Variants in MSRA observed in about 807,000 individuals in gnomAD.
MSRA encodes mitochondrial peptide methionine sulfoxide reductase.
MSRA carries 54 observed loss-of-function variants against 31.3 expected under a neutral mutation model. The ratio of observed to expected loss-of-function variants is 1.73; its 90% CI spans 1.39 to 2.17. MSRA has a LOEUF of 2.17. Among genes scored for constraint, MSRA ranks in the 30% most tolerant of loss-of-function variants. The pLI is 0.00. For synonymous variants in MSRA, 169 were observed against 116.5 expected, an observed-to-expected ratio of 1.45 and a Z score of -2.90; for missense variants, 507 against 300.9, an observed-to-expected ratio of 1.69 and a Z score of -5.07.
At chr8:10,121,852 T>A (rs999590919) in intron 1 of MSRA, among the ~76,000 whole-genome samples, 3 of 151,988 alleles carry the variant, frequency 2.0e-5, no homozygotes, top group African/African-American at 7.2e-5. Flanking sequence ...TAATTTTTTT[T>A]TTTTTTTTGG....
intron 3 of MSRA, among the ~76,000 whole-genome samples, chr8:10,262,362 C>CT (rs779077763): frequency 3.3e-5 from 5 of 152,216 alleles, no homozygotes; most frequent in Non-Finnish European, 7.3e-5. Flanking sequence ...GTTCCTGTTA[C>CT]TTTACATCCT....
chr8:10,361,570 G>A (rs568551635), intron 5 of MSRA, among the ~76,000 whole-genome samples: 2 of 152,216 alleles, frequency 1.3e-5, no homozygotes, highest in South Asian at 4.2e-4. Flanking sequence ...CTTGAAGGCT[G>A]CAAACTCGGG....
At chr8:10,252,334 G>A (rs1174435023) in intron 3 of MSRA, among the ~76,000 whole-genome samples, 1 of 152,176 alleles carries the variant, frequency 6.6e-6, no homozygotes, top group Non-Finnish European at 1.5e-5. Context: ...AGTAGGGGTG[G>A]CTTTGGAGTG....
intron 2 of MSRA, among the ~76,000 whole-genome samples, chr8:10,213,892 A>G (rs1355938973): frequency 6.6e-6 from 1 of 151,904 alleles, no homozygotes; most frequent in African/African-American, 2.4e-5. Flanking sequence ...CCATTTGGGA[A>G]CTCACGTCCA....
chr8:10,087,436 A>G (rs950852672), intron 1 of MSRA, among the ~76,000 whole-genome samples: 2 of 152,184 alleles, frequency 1.3e-5, no homozygotes, highest in Admixed American at 1.3e-4. Context: ...GGTTGTTCAG[A>G]GAGTGCTGGA....
At chr8:10,178,345 T>A (rs1325483966) in intron 1 of MSRA, among the ~76,000 whole-genome samples, 1 of 152,060 alleles carries the variant, frequency 6.6e-6, no homozygotes, top group African/African-American at 2.4e-5. Flanking sequence ...ATCTCAGCAC[T>A]TCGGGAGGCC....
intron 1 of MSRA, among the ~76,000 whole-genome samples, chr8:10,125,004 T>G (rs936657190): frequency 3.9e-5 from 6 of 152,138 alleles, no homozygotes; most frequent in Non-Finnish European, 7.3e-5. Context: ...AAGTACAGAA[T>G]TCAAACTAAG....
chr8:10,135,788 T>G (rs1037705443), intron 1 of MSRA, among the ~76,000 whole-genome samples: 2 of 152,222 alleles, frequency 1.3e-5, no homozygotes, highest in Non-Finnish European at 2.9e-5. Context: ...ATACGCAAAC[T>G]GGCAGACGCA....
chr8:10,057,236 G>C (rs1802423374), intron 1 of MSRA, among the ~76,000 whole-genome samples: 1 of 152,172 alleles, frequency 6.6e-6, no homozygotes, highest in African/African-American at 2.4e-5. Context: ...GGGGGCATCT[G>C]GGCAGTGCTG....
chr8:10,273,041 T>C (rs891981633), intron 3 of MSRA, among the ~76,000 whole-genome samples: 2 of 152,200 alleles, frequency 1.3e-5, no homozygotes, highest in Admixed American at 6.5e-5. Context: ...AAGTAGACCG[T>C]GTAACAGCAG....
chr8:10,164,076 T>C (rs551378598), intron 1 of MSRA, among the ~76,000 whole-genome samples: 78 of 152,342 alleles, frequency 5.1e-4, no homozygotes, highest in African/African-American at 1.8e-3. Flanking sequence ...TCTTTTCTGT[T>C]CTCCTGTTAA....
chr8:10,219,806 CAAAA>C (rs59393980), intron 2 of MSRA, among the ~76,000 whole-genome samples: 8 of 57,126 alleles, frequency 1.4e-4, no homozygotes, highest in East Asian at 2.0e-3. Context: ...ACTCTGTCTC[CAAAA>C]AAAAAAAAAA....
chr8:10,204,357 T>TA (rs1808760441), intron 1 of MSRA, among the ~76,000 whole-genome samples: 1 of 152,242 alleles, frequency 6.6e-6, no homozygotes, highest in Non-Finnish European at 1.5e-5. Flanking sequence ...CTCATTGACT[T>TA]ACCCAGAGCA....
At chr8:10,326,273 A>T (rs1255374650) in intron 5 of MSRA, among the ~76,000 whole-genome samples, 1 of 152,240 alleles carries the variant, frequency 6.6e-6, no homozygotes, top group East Asian at 1.9e-4. Flanking sequence ...ATTTGAACAT[A>T]AAATTAGCTG....
intron 3 of MSRA, among the ~76,000 whole-genome samples, chr8:10,295,494 A>G (rs1020098212): frequency 2.0e-5 from 3 of 152,094 alleles, no homozygotes; most frequent in African/African-American, 7.2e-5. Flanking sequence ...GTCCTTCTAG[A>G]TGAGCCCCAC....
chr8:10,085,581 G>T (rs1798518728), intron 1 of MSRA, among the ~76,000 whole-genome samples: 1 of 152,130 alleles, frequency 6.6e-6, no homozygotes, highest in Non-Finnish European at 1.5e-5. Context: ...AATATTTTCT[G>T]TTATGTGTCC....
At chr8:10,158,168 A>G (rs1414668176) in intron 1 of MSRA, among the ~76,000 whole-genome samples, 1 of 152,156 alleles carries the variant, frequency 6.6e-6, no homozygotes, top group Non-Finnish European at 1.5e-5. Flanking sequence ...ATGACTGACT[A>G]ATAACCCCCA....
chr8:10,183,919 TTGG>T (rs1416825365), intron 1 of MSRA, among the ~76,000 whole-genome samples: 1 of 146,474 alleles, frequency 6.8e-6, no homozygotes, highest in African/African-American at 2.5e-5. Context: ...GGTGATGGTC[TTGG>T]TGGTCTTGGT....
chr8:10,418,964 C>G (rs7839222), intron 5 of MSRA, among the ~76,000 whole-genome samples: 8,594 of 151,406 alleles, frequency 0.057, 833 homozygotes, highest in African/African-American at 0.2. Flanking sequence ...TCTCCAAAAA[C>G]AAAACAAAAC....
Sources: gnomAD v4.1 joint callset for allele counts (sites outside exome capture counted in the v4.1 genomes callset) on GRCh38, gnomAD v4.1.1 for gene constraint, MANE v1.5 for transcripts, NCBI Gene and HGNC (gene_info 2026-07-23, HGNC 2026-07-21) for gene names.